TJP1: variants seen among roughly 807,000 people sequenced by gnomAD.
The protein encoded by TJP1 is tight junction protein 1, also known as tight junction protein ZO-1.
A neutral mutation model predicts 194.2 loss-of-function variants in TJP1; 43 were observed. That is an observed-to-expected ratio of 0.22 (90% CI 0.17 to 0.29). The LOEUF (loss-of-function observed/expected upper bound fraction) is 0.29, where lower values mean the gene tolerates loss of function less well. Among genes scored for constraint, TJP1 ranks in the 10% least tolerant of loss-of-function variants. The probability of loss-of-function intolerance (pLI) is 1.00; values close to 1 mark genes in which losing one functional copy is unlikely to be tolerated. For missense variants in TJP1, 1,971 were observed against 2,185.7 expected (o/e 0.90, Z 1.96); for synonymous variants, 801 against 779.0 (o/e 1.03, Z -0.47).
intron 8 of TJP1, among the ~76,000 whole-genome samples, chr15:29,757,508 A>G (rs1481010395): frequency 2.0e-5 from 3 of 152,230 alleles, no homozygotes; most frequent in African/African-American, 7.2e-5. Flanking sequence ...TAATGTATCT[A>G]AGTTGTTTCT....
chr15:29,949,653 C>A (rs2055541853), intron 2 of TJP1, among the ~76,000 whole-genome samples: 3 of 125,918 alleles, frequency 2.4e-5, no homozygotes, highest in African/African-American at 8.2e-5. Context: ...ACCACCACCA[C>A]CTCCACCTCC....
chr15:29,726,304 T>C (rs781474221), intron 18 of TJP1, 75 bp downstream of exon 18: 45 of 1,224,314 alleles, frequency 3.7e-5, no homozygotes, highest in Non-Finnish European at 4.9e-5. Flanking sequence ...TAGAAAGCAC[T>C]GGTATCTCAA....
At chr15:29,864,827 C>T (rs2052244783) in intron 2 of TJP1, among the ~76,000 whole-genome samples, 1 of 152,038 alleles carries the variant, frequency 6.6e-6, no homozygotes, top group South Asian at 2.1e-4. Context: ...TTTTTCTTGG[C>T]CTTACTCAGT....
chr15:29,877,044 C>A (rs1326403178), intron 2 of TJP1, among the ~76,000 whole-genome samples: 1 of 152,180 alleles, frequency 6.6e-6, no homozygotes, highest in African/African-American at 2.4e-5. Flanking sequence ...GTGTAACATG[C>A]CAGTCTGCAT....
chr15:29,955,753 T>TAAAAAAAAAAAAAAAAAAAA (rs563535771), intron 2 of TJP1, among the ~76,000 whole-genome samples: 65 of 35,810 alleles, frequency 1.8e-3, no homozygotes, highest in Non-Finnish European at 2.3e-3. Context: ...CCTGGCTCTT[T>TAAAAAAAAAAAAAAAAAAAA]AAAAAAAAAA....
chr15:29,922,835 A>C (rs888098070), intron 2 of TJP1, among the ~76,000 whole-genome samples: 3 of 152,230 alleles, frequency 2.0e-5, no homozygotes, highest in African/African-American at 7.2e-5. Context: ...ATTTTAATTA[A>C]ACTTAAAGCA....
At chr15:29,862,890 C>T (rs537335147) in intron 2 of TJP1, among the ~76,000 whole-genome samples, 153 of 151,256 alleles carry the variant, frequency 1.0e-3, no homozygotes, top group Middle Eastern at 3.4e-3. Flanking sequence ...CTTCGTGATC[C>T]GCCCGCCTCG....
intron 2 of TJP1, among the ~76,000 whole-genome samples, chr15:29,934,995 G>A (rs572043655): frequency 2.6e-5 from 4 of 152,312 alleles, no homozygotes; most frequent in East Asian, 3.9e-4. Context: ...GGCCATCAGA[G>A]GGAAACTGAG....
At chr15:29,922,234 G>A (rs546772340) in intron 2 of TJP1, among the ~76,000 whole-genome samples, 1 of 152,132 alleles carries the variant, frequency 6.6e-6, no homozygotes, top group East Asian at 1.9e-4. Flanking sequence ...TGTAATCCCA[G>A]CACTTTGGGA....
Position 29,717,760 on chromosome 15 carries a change from T to C in TJP1, c.3974+261A>G, listed in dbSNP as rs376891191. Among the ~76,000 whole-genome samples, 20 of 152,328 alleles carry C rather than the reference T, an allele frequency of 1.3e-4. No homozygotes were observed. In the South Asian group the frequency reaches 2.9e-3, roughly 22 times the overall value. ...TAATACAAATGTCAGAGCTTAAAAA[T>C]GTTTATTTAATCATCTGCTTGGAGA... On this transcript the variant is annotated intron_variant, in intron 22 of 27. Transcript: ENST00000614355.
rs577809954 is a variant in TJP1, at chr15:29,779,404, C to G, written c.85-6047G>C. Among the ~76,000 whole-genome samples the G allele has an allele frequency of 4.6e-5, 7 of 152,326 alleles. No homozygotes were observed. The South Asian group carries it at 1.5e-3, about 32-fold the overall frequency. ...CCACACCTTGGAGAACCTTGGTACT[C>G]TATTCCAAAAACATCCTTAAAATCC... On this transcript the variant is annotated intron_variant, in intron 2 of 27. Transcript: ENST00000614355.
intron 1 of TJP1, among the ~76,000 whole-genome samples, chr15:29,803,193 C>G (rs562847009): frequency 7.2e-5 from 11 of 152,272 alleles, no homozygotes; most frequent in African/African-American, 2.6e-4. Context: ...CATTCCCCAT[C>G]AGAACAAACT....
At position 29,734,376 on chromosome 15, in the gene TJP1, T is replaced by C. The variant is rs1233239464; in HGVS notation, c.1414A>G (p.Asn472Asp). 6.2e-7 allele frequency: 1 copy of C among 1,607,350 alleles called. No homozygotes were observed. The highest frequency in any genetic ancestry group is 1.1e-5 in the South Asian group (1 of 90,284). Residue 472 changes from asparagine (N) to aspartate (D), a missense_variant, in exon 12 of 28, where the codon AAC becomes GAC. Coordinates refer to ENST00000614355, the MANE Select transcript of TJP1 (RefSeq NM_001330239.4). Reference protein sequence around the residue: ...EEGDQILRVNNVDFTNIIREE... With the variant: ...EEGDQILRVNDVDFTNIIREE... ...CTTATGATATTTGTAAAATCTACGTTGTTTACCTAATAAATAAGATTTCAT... is the reference window on the plus strand; with the variant it reads ...CTTATGATATTTGTAAAATCTACGTCGTTTACCTAATAAATAAGATTTCAT...
chr15:29,866,543 C>T (rs908223753), intron 2 of TJP1, among the ~76,000 whole-genome samples: 4 of 152,140 alleles, frequency 2.6e-5, no homozygotes, highest in African/African-American at 7.2e-5. Context: ...GTGAACTCCC[C>T]ACACAGTATG....
At chr15:29,922,284 A>T (rs560809245) in intron 2 of TJP1, among the ~76,000 whole-genome samples, 2 of 152,240 alleles carry the variant, frequency 1.3e-5, no homozygotes, top group African/African-American at 4.8e-5. Context: ...GGAGTTTGAG[A>T]CCAGCCTGGT....
chr15:29,803,803 C>T (rs1219873822), intron 1 of TJP1, among the ~76,000 whole-genome samples: 1 of 152,066 alleles, frequency 6.6e-6, no homozygotes, highest in African/African-American at 2.4e-5. Flanking sequence ...CACCATTCCA[C>T]ATCAAAATCA....
At chr15:29,917,479 A>G (rs1001876) in intron 2 of TJP1, among the ~76,000 whole-genome samples, 16,414 of 152,262 alleles carry the variant, frequency 0.11, 1,192 homozygotes, top group Non-Finnish European at 0.16. Flanking sequence ...CAAGTGAACA[A>G]GAGATGCAAC....
chr15:29,772,036 T>G, intron 4 of TJP1, 28 bp downstream of exon 4: 1 of 1,437,016 alleles, frequency 7.0e-7, no homozygotes, highest in South Asian at 1.2e-5. Context: ...GGGGTACCTT[T>G]ACTAAATTAC....
Position 29,705,807 on chromosome 15 carries a change from C to T in TJP1, c.4851-62G>A. The T allele has an allele frequency of 4.9e-6, 7 of 1,418,626 alleles. No homozygotes were observed. The South Asian group carries it at 8.2e-5, about 17-fold the overall frequency. 87.9% of individuals were successfully genotyped at this position (1,418,626 alleles called of 1,614,324 possible). A position where few individuals can be genotyped will look rare whatever the true frequency, so the allele number is the denominator to read the frequency against. Reference sequence around the variant, plus strand: ...ATAATACACAGGTGCTTTGCTTTTACTACTACTGTATTACGTGCTTTCACT... The same window carrying T: ...ATAATACACAGGTGCTTTGCTTTTATTACTACTGTATTACGTGCTTTCACT... On this transcript the variant is annotated intron_variant, in intron 25 of 27. Coordinates refer to ENST00000614355, the MANE Select transcript of TJP1 (RefSeq NM_001330239.4).
Sources: allele counts gnomAD v4.1 joint callset (sites outside exome capture counted in the v4.1 genomes callset), GRCh38; gene constraint gnomAD v4.1.1; transcripts MANE v1.5; gene names NCBI Gene and HGNC (gene_info 2026-07-23, HGNC 2026-07-21).